MTA3: variants seen among roughly 807,000 people sequenced by gnomAD.
MTA3 encodes the protein metastasis associated 1 family member 3.
Under a neutral mutation model 83.5 loss-of-function variants are expected in MTA3, and 34 were observed. That is an observed-to-expected ratio of 0.41 (90% CI 0.31 to 0.54). The LOEUF is 0.54. MTA3 is among the 20% of genes least tolerant of loss of function. The pLI is 0.33. For synonymous variants in MTA3, 303 were observed against 252.7 expected, an observed-to-expected ratio of 1.20 and a Z score of -1.89; for missense variants, 761 against 726.4, an observed-to-expected ratio of 1.05 and a Z score of -0.55.
chr2:42,620,336 A>G (rs1394604027), intron 4 of MTA3, among the ~76,000 whole-genome samples: 2 of 151,924 alleles, frequency 1.3e-5, no homozygotes, highest in Non-Finnish European at 2.9e-5. Flanking sequence ...CCAGGCTGAT[A>G]TCAAACTCCT....
At chr2:42,618,830 C>G (rs1449190472) in intron 4 of MTA3, among the ~76,000 whole-genome samples, 1 of 152,090 alleles carries the variant, frequency 6.6e-6, no homozygotes, top group Non-Finnish European at 1.5e-5. Context: ...AGGCTGGCCT[C>G]AAACTCCTGT....
chr2:42,513,637 G>T (rs1674999731), intron 2 of MTA3, among the ~76,000 whole-genome samples: 1 of 152,186 alleles, frequency 6.6e-6, no homozygotes, highest in African/African-American at 2.4e-5. Context: ...ACAGAGAAAA[G>T]GGTAGAACTT....
At chr2:42,509,699 G>A (rs1674807425) in intron 2 of MTA3, among the ~76,000 whole-genome samples, 1 of 151,884 alleles carries the variant, frequency 6.6e-6, no homozygotes, top group African/African-American at 2.4e-5. Context: ...TAAGCCTGGG[G>A]GGTTGAGGCT....
chr2:42,709,289 A>T (rs1229458871), intron 14 of MTA3, 193 bp downstream of exon 14: 4 of 1,417,968 alleles, frequency 2.8e-6, no homozygotes, highest in Non-Finnish European at 3.7e-6. Flanking sequence ...GAAAAAAAAA[A>T]TCAAAACATT....
chr2:42,609,745 C>G (rs1267002094), intron 4 of MTA3, among the ~76,000 whole-genome samples, 161 bp downstream of exon 4: 1 of 152,118 alleles, frequency 6.6e-6, no homozygotes, highest in Non-Finnish European at 1.5e-5. Flanking sequence ...ATGTGTATTA[C>G]CATATTAAAG....
intron 2 of MTA3, among the ~76,000 whole-genome samples, chr2:42,508,094 T>G (rs1472810401): frequency 6.6e-6 from 1 of 152,202 alleles, no homozygotes; most frequent in Non-Finnish European, 1.5e-5. Flanking sequence ...GGGCACCTGC[T>G]GTTCCCTCTG....
At chr2:42,563,272 G>T (rs1283689989) in intron 2 of MTA3, among the ~76,000 whole-genome samples, 1 of 151,860 alleles carries the variant, frequency 6.6e-6, no homozygotes, top group African/African-American at 2.4e-5. Context: ...AGGTTTAAGC[G>T]ATTCTCCTGT....
intron 6 of MTA3, among the ~76,000 whole-genome samples, chr2:42,645,894 A>G (rs547973466): frequency 4.0e-4 from 61 of 152,362 alleles, no homozygotes; most frequent in African/African-American, 1.4e-3. Flanking sequence ...CAGAGTTTCA[A>G]TGTAGATAAA....
intron 16 of MTA3, among the ~76,000 whole-genome samples, chr2:42,732,242 G>T (rs945519556): frequency 6.6e-6 from 1 of 152,198 alleles, no homozygotes; most frequent in Non-Finnish European, 1.5e-5. Context: ...TTTTGCCTGG[G>T]CATCCAGGCA....
At chr2:42,720,666 A>G (rs1048099448) in intron 15 of MTA3, among the ~76,000 whole-genome samples, 1 of 152,070 alleles carries the variant, frequency 6.6e-6, no homozygotes, top group African/African-American at 2.4e-5. Context: ...CTGATCACAA[A>G]AAATAGAATA....
At chr2:42,564,312 C>T (rs1253244163), upstream of MTA3, among the ~76,000 whole-genome samples, 1 of 152,178 alleles carries the variant, frequency 6.6e-6, no homozygotes, top group Non-Finnish European at 1.5e-5. Flanking sequence ...CCTGTGAGGG[C>T]ATGAGGGAAC....
intron 2 of MTA3, among the ~76,000 whole-genome samples, chr2:42,562,034 A>G (rs1250616383): frequency 6.6e-6 from 1 of 152,100 alleles, no homozygotes; most frequent in Non-Finnish European, 1.5e-5. Context: ...AATCCATCCC[A>G]TGCCAGTGGT....
chr2:42,645,655 C>T (rs1688111892), intron 6 of MTA3, among the ~76,000 whole-genome samples: 1 of 151,954 alleles, frequency 6.6e-6, no homozygotes, highest in South Asian at 2.1e-4. Flanking sequence ...TAAACCAAAG[C>T]CTAATCCAGA....
At chr2:42,606,278 G>A (rs1202121105) in intron 3 of MTA3, among the ~76,000 whole-genome samples, 1 of 149,168 alleles carries the variant, frequency 6.7e-6, no homozygotes, top group Non-Finnish European at 1.5e-5. Context: ...TGGCTGCCGG[G>A]CGGAGACGCT....
At chr2:42,584,783 C>T (rs1453228769) in intron 3 of MTA3, among the ~76,000 whole-genome samples, 1 of 152,014 alleles carries the variant, frequency 6.6e-6, no homozygotes, top group East Asian at 1.9e-4. Context: ...AGGAGGATTG[C>T]TTGAGCCCAG....
At position 42,695,768 on chromosome 2, in the gene MTA3, C is replaced by CTTT; in HGVS notation, c.895_896insTTT (p.Pro299delinsLeuSer). 6.6e-7 allele frequency: 1 copy of CTTT among 1,521,304 alleles called. No homozygotes were observed. The highest frequency in any genetic ancestry group is 1.5e-5 in the African/African-American group (1 of 68,830). 94.2% of individuals were successfully genotyped at this position (1,521,304 alleles called of 1,614,324 possible). On this transcript the variant is annotated protein_altering_variant, in exon 10 of 17. Coordinates refer to ENST00000405094, the MANE Select transcript of MTA3 (RefSeq NM_001330442.2). ...GGTTGATTTTTTTTTTTTTCAGCTTCCTTGGAAATCATTGACTAGCATCAT... is the reference window on the plus strand; with the variant it reads ...GGTTGATTTTTTTTTTTTTCAGCTTCTTTCTTGGAAATCATTGACTAGCATCAT...
chr2:42,509,794 A>G (rs1213958635), intron 2 of MTA3, among the ~76,000 whole-genome samples: 1 of 152,084 alleles, frequency 6.6e-6, no homozygotes, highest in East Asian at 1.9e-4. Context: ...AAAACAAAAA[A>G]AAGTAAAATA....
At chr2:42,553,828 G>A (rs1281013077) in intron 2 of MTA3, among the ~76,000 whole-genome samples, 4 of 138,606 alleles carry the variant, frequency 2.9e-5, no homozygotes, top group Admixed American at 2.4e-4. Context: ...CTGAGATTGT[G>A]CCACTGCAGT....
intron 16 of MTA3, among the ~76,000 whole-genome samples, chr2:42,742,480 A>C (rs921737306): frequency 6.6e-6 from 1 of 152,164 alleles, no homozygotes; most frequent in Non-Finnish European, 1.5e-5. Context: ...TTGCCTGTGT[A>C]AAGCTCATCT....
Sources: allele counts gnomAD v4.1 joint callset (sites outside exome capture counted in the v4.1 genomes callset), GRCh38; gene constraint gnomAD v4.1.1; transcripts MANE v1.5; gene names NCBI Gene and HGNC (gene_info 2026-07-23, HGNC 2026-07-21).